PARD3B: variants seen among roughly 807,000 people sequenced by gnomAD.
The protein encoded by PARD3B is par-3 family cell polarity regulator beta, also known as partitioning defective 3 homolog B.
In PARD3B, 103 loss-of-function variants were observed where a neutral mutation model predicts 130.2. That is an observed-to-expected ratio of 0.79 (90% confidence interval 0.67 to 0.93). PARD3B has a LOEUF of 0.93. Ranked by LOEUF, PARD3B falls within the 40% of genes least tolerant of loss-of-function variation. PARD3B has a pLI of 0.00. For synonymous variants in PARD3B, 583 were observed against 553.2 expected (o/e 1.05, Z -0.76); for missense variants, 1,609 against 1,499.2 (o/e 1.07, Z -1.21).
intron 18 of PARD3B, among the ~76,000 whole-genome samples, chr2:205,334,854 T>C (rs1185733596): frequency 6.6e-6 from 1 of 152,188 alleles, no homozygotes; most frequent in Admixed American, 6.5e-5. Context: ...ACAAACTACA[T>C]CAAGTAATTC....
intron 2 of PARD3B, among the ~76,000 whole-genome samples, chr2:204,773,397 TA>T (rs200073166): frequency 0.016 from 2,363 of 152,014 alleles, 32 homozygotes; most frequent in South Asian, 0.037. Context: ...CATATATATA[TA>T]TTTTTTTTCT....
chr2:205,420,423 C>T (rs752760510), intron 19 of PARD3B, among the ~76,000 whole-genome samples: 33 of 152,052 alleles, frequency 2.2e-4, no homozygotes, highest in Non-Finnish European at 3.7e-4. Flanking sequence ...ATAATTTGTC[C>T]GTGGTACAAA....
intron 15 of PARD3B, among the ~76,000 whole-genome samples, chr2:205,216,086 T>C (rs925464452): frequency 2.6e-5 from 4 of 152,292 alleles, no homozygotes; most frequent in Admixed American, 2.6e-4. Flanking sequence ...ATTAGTCCCA[T>C]GAGCTTATAA....
chr2:204,733,115 G>A (rs916944119), intron 2 of PARD3B, among the ~76,000 whole-genome samples: 6 of 151,994 alleles, frequency 3.9e-5, no homozygotes, highest in African/African-American at 1.5e-4. Context: ...AACAGGAGCC[G>A]ACTGGATGGC....
At chr2:205,113,216 G>A (rs927346759) in intron 5 of PARD3B, among the ~76,000 whole-genome samples, 1 of 152,142 alleles carries the variant, frequency 6.6e-6, no homozygotes, top group Non-Finnish European at 1.5e-5. Flanking sequence ...TGCAGATTAA[G>A]TTAAGTAGGA....
intron 10 of PARD3B, among the ~76,000 whole-genome samples, chr2:205,129,674 C>T (rs979068461): frequency 6.6e-6 from 1 of 152,216 alleles, no homozygotes; most frequent in East Asian, 1.9e-4. Flanking sequence ...GTTCTGCGAG[C>T]TCTGTACCTT....
chr2:205,062,867 A>G (rs1014340630), intron 4 of PARD3B, among the ~76,000 whole-genome samples: 2 of 152,144 alleles, frequency 1.3e-5, no homozygotes, highest in South Asian at 4.1e-4. Flanking sequence ...AGAAAATAAA[A>G]CAGAGCAGAT....
chr2:205,573,924 A>C (rs2053649820), intron 22 of PARD3B, among the ~76,000 whole-genome samples: 1 of 152,170 alleles, frequency 6.6e-6, no homozygotes, highest in Non-Finnish European at 1.5e-5. Context: ...ATGGAGTGAA[A>C]CGTGCCAACA....
At chr2:204,733,676 T>C (rs2039620856) in intron 2 of PARD3B, among the ~76,000 whole-genome samples, 1 of 152,134 alleles carries the variant, frequency 6.6e-6, no homozygotes, top group African/African-American at 2.4e-5. Context: ...AATTGTGGTA[T>C]TGACGTTAGG....
At chr2:204,740,371 A>T (rs1000890758) in intron 2 of PARD3B, among the ~76,000 whole-genome samples, 1 of 152,168 alleles carries the variant, frequency 6.6e-6, no homozygotes, top group Non-Finnish European at 1.5e-5. Context: ...ATTGCTCTGT[A>T]TGAAATCAAA....
chr2:204,811,878 G>A (rs538615444), intron 2 of PARD3B, among the ~76,000 whole-genome samples: 29 of 151,626 alleles, frequency 1.9e-4, no homozygotes, highest in African/African-American at 5.8e-4. Flanking sequence ...TTTTGATCAC[G>A]GTCCTTATTG....
At chr2:204,862,129 G>C (rs2045233222) in intron 2 of PARD3B, among the ~76,000 whole-genome samples, 1 of 152,056 alleles carries the variant, frequency 6.6e-6, no homozygotes, top group Non-Finnish European at 1.5e-5. Context: ...TCTTTGCTTA[G>C]AGGAATATGC....
chr2:205,232,932 A>T (rs1156890512), intron 15 of PARD3B, among the ~76,000 whole-genome samples: 1 of 152,212 alleles, frequency 6.6e-6, no homozygotes, highest in African/African-American at 2.4e-5. Context: ...GGATTCACCA[A>T]ATGAGAGAAA....
At chr2:205,124,573 C>A (rs973808858) in intron 9 of PARD3B, 107 bp downstream of exon 9, 26 of 786,844 alleles carry the variant, frequency 3.3e-5, no homozygotes, top group Non-Finnish European at 1.5e-5. Context: ...TTATTTTGAA[C>A]CTAATATATA....
At chr2:204,911,592 C>T (rs2047238656) in intron 2 of PARD3B, among the ~76,000 whole-genome samples, 2 of 152,126 alleles carry the variant, frequency 1.3e-5, no homozygotes, top group South Asian at 4.1e-4. Context: ...ACACAGAAAC[C>T]TTCATTTCAG....
chr2:205,483,477 A>C (rs2049319843), intron 20 of PARD3B, among the ~76,000 whole-genome samples: 1 of 152,226 alleles, frequency 6.6e-6, no homozygotes, highest in Admixed American at 6.5e-5. Flanking sequence ...ATATTTTGCC[A>C]GTGAAAGTCC....
chr2:205,007,287 T>A (rs976762696), intron 3 of PARD3B, among the ~76,000 whole-genome samples: 1 of 152,196 alleles, frequency 6.6e-6, no homozygotes, highest in Non-Finnish European at 1.5e-5. Flanking sequence ...CTCTTTCCTT[T>A]ATGTATTACC....
chr2:205,603,162 G>T (rs372295318), intron 22 of PARD3B, among the ~76,000 whole-genome samples: 234 of 152,330 alleles, frequency 1.5e-3, no homozygotes, highest in African/African-American at 5.1e-3. Context: ...CCATGCAGTT[G>T]TGTGGTTTTG....
At chr2:204,641,704 G>A (rs539510396) in intron 1 of PARD3B, among the ~76,000 whole-genome samples, 8 of 152,240 alleles carry the variant, frequency 5.3e-5, no homozygotes, top group Admixed American at 1.3e-4. Context: ...TTGTCACTAC[G>A]TTGTAATTAC....
Sources: gnomAD v4.1 joint callset for allele counts (sites outside exome capture counted in the v4.1 genomes callset) on GRCh38, gnomAD v4.1.1 for gene constraint, MANE v1.5 for transcripts, NCBI Gene and HGNC (gene_info 2026-07-23, HGNC 2026-07-21) for gene names.